The following POLN variants were observed in gnomAD, a reference collection of about 807,000 sequenced individuals.
POLN encodes the protein DNA polymerase nu.
POLN carries 108 observed loss-of-function variants against 113.5 expected under a neutral mutation model. The ratio of observed to expected loss-of-function variants is 0.95; its 90% CI spans 0.81 to 1.12. POLN has a LOEUF of 1.12. Ranked by LOEUF, POLN falls within the 50% of genes most tolerant of loss-of-function variation. POLN has a pLI of 0.00. For missense variants in POLN, 1,097 were observed against 1,077.1 expected (o/e 1.02, Z -0.26); for synonymous variants, 386 against 391.5 (o/e 0.99, Z 0.17).
At position 2,101,148 on chromosome 4, in the gene POLN, GA is replaced by G. The variant is rs762968112; in HGVS notation, c.1983-5216del. Reference sequence around the variant, plus strand: ...CCAGATTGAGTACATGCCTAAACATGAAAAAAAAAAATCAAAACTGAAATAA... The same window carrying G: ...CCAGATTGAGTACATGCCTAAACATGAAAAAAAAAATCAAAACTGAAATAA... On this transcript the variant is annotated intron_variant, in intron 19 of 25. Coordinates refer to ENST00000511885, the MANE Select transcript of POLN (RefSeq NM_181808.4). Among the ~76,000 whole-genome samples, 995 of 143,612 alleles carry G rather than the reference GA, an allele frequency of 6.9e-3. 5 individuals carry two copies. The highest frequency in any genetic ancestry group is 0.025 in the South Asian group (115 of 4,614). The allele number at this position is 143,612 out of a possible 152,430, so 94.2% of individuals were successfully genotyped here. A position where few individuals can be genotyped will look rare whatever the true frequency, so the allele number is the denominator to read the frequency against.
intron 3 of POLN, among the ~76,000 whole-genome samples, chr4:2,225,712 G>T (rs1049603957): frequency 6.6e-6 from 1 of 151,318 alleles, no homozygotes; most frequent in African/African-American, 2.4e-5. Context: ...AAAAAAAATA[G>T]TAGGCCAGGC....
At chr4:2,203,891 C>T (rs1257717898) in intron 5 of POLN, among the ~76,000 whole-genome samples, 3 of 151,942 alleles carry the variant, frequency 2.0e-5, no homozygotes, top group African/African-American at 7.3e-5. Context: ...GGGTGGATCA[C>T]CTGAGGTCAG....
chr4:2,161,837 C>T (rs557457403), intron 13 of POLN, among the ~76,000 whole-genome samples: 56 of 152,324 alleles, frequency 3.7e-4, no homozygotes, highest in African/African-American at 1.3e-3. Context: ...CACCAATCAG[C>T]ACCCTGTGTC....
At chr4:2,173,813 G>T (rs1036436908) in intron 11 of POLN, 142 bp downstream of exon 11, 1 of 793,946 alleles carries the variant, frequency 1.3e-6, no homozygotes, top group Non-Finnish European at 2.1e-6. Flanking sequence ...TCCCCTGCAG[G>T]CGTCAGAAAG....
intron 19 of POLN, among the ~76,000 whole-genome samples, chr4:2,096,263 C>T (rs1352572596): frequency 6.6e-6 from 1 of 152,182 alleles, no homozygotes; most frequent in African/African-American, 2.4e-5. Context: ...TATTGGGGTG[C>T]CTGGGCCTGG....
intron 23 of POLN, chr4:2,080,723 A>C: frequency 7.1e-7 from 1 of 1,412,526 alleles, no homozygotes; most frequent in Non-Finnish European, 9.2e-7. Flanking sequence ...TCTGGGGGAG[A>C]CAGCATTTCT....
chr4:2,123,783 G>A (rs182973375), intron 19 of POLN, among the ~76,000 whole-genome samples: 2 of 151,786 alleles, frequency 1.3e-5, no homozygotes, highest in Admixed American at 6.6e-5. Context: ...CCAGCCTAGG[G>A]GACAGAGTGT....
At chr4:2,193,072 G>T in intron 7 of POLN, 132 bp downstream of exon 7, 3 of 636,774 alleles carry the variant, frequency 4.7e-6, no homozygotes, top group Non-Finnish European at 8.1e-6. Flanking sequence ...GGGCCCATCA[G>T]GAGGCATATC....
intron 19 of POLN, among the ~76,000 whole-genome samples, chr4:2,116,168 T>C (rs1333190575): frequency 1.3e-5 from 2 of 152,234 alleles, no homozygotes; most frequent in Non-Finnish European, 2.9e-5. Flanking sequence ...CTTTGATGTC[T>C]GTCCCTAGAC....
intron 7 of POLN, among the ~76,000 whole-genome samples, chr4:2,188,123 A>C (rs7691418): frequency 0.26 from 38,793 of 151,498 alleles, 7,872 homozygotes; most frequent in African/African-American, 0.55. Context: ...CTCCCTGCCA[A>C]CCCCTCCCCA....
chr4:2,142,256 T>C (rs1306786170), intron 16 of POLN, among the ~76,000 whole-genome samples: 2 of 152,262 alleles, frequency 1.3e-5, no homozygotes, highest in African/African-American at 2.4e-5. Context: ...AGCTGAACAC[T>C]GATTCCTTTA....
intron 20 of POLN, among the ~76,000 whole-genome samples, chr4:2,092,789 T>A (rs1730698857): frequency 6.6e-6 from 1 of 152,194 alleles, no homozygotes; most frequent in Non-Finnish European, 1.5e-5. Flanking sequence ...GGTGCAAAGC[T>A]CCTCTATGGA....
chr4:2,080,145 C>A (rs1050882362), intron 23 of POLN: 2 of 985,586 alleles, frequency 2.0e-6, no homozygotes, highest in Non-Finnish European at 2.4e-6. Flanking sequence ...AGAAGGGGCT[C>A]CGGGACTCCT....
intron 13 of POLN, among the ~76,000 whole-genome samples, chr4:2,160,035 C>T (rs1203849217): frequency 6.6e-6 from 1 of 152,144 alleles, no homozygotes; most frequent in African/African-American, 2.4e-5. Context: ...GAGATACTGC[C>T]AGTTCTCCAA....
At chr4:2,159,720 C>G (rs1409733063) in intron 13 of POLN, among the ~76,000 whole-genome samples, 3 of 152,192 alleles carry the variant, frequency 2.0e-5, no homozygotes, top group African/African-American at 7.2e-5. Flanking sequence ...GGTACTGGCT[C>G]CTTCCCCAGA....
intron 7 of POLN, among the ~76,000 whole-genome samples, chr4:2,182,030 C>A (rs1733155937): frequency 6.6e-6 from 1 of 150,808 alleles, no homozygotes; most frequent in Non-Finnish European, 1.5e-5. Context: ...CTTTAAACTA[C>A]ATAAAGACAT....
chr4:2,192,481 A>G (rs1243617249), intron 7 of POLN, among the ~76,000 whole-genome samples: 1 of 151,938 alleles, frequency 6.6e-6, no homozygotes, highest in Non-Finnish European at 1.5e-5. Flanking sequence ...CTAGGATTAC[A>G]GGCATGAGCC....
chr4:2,149,519 C>G (rs1010367260), intron 16 of POLN, among the ~76,000 whole-genome samples: 7 of 152,082 alleles, frequency 4.6e-5, no homozygotes, highest in African/African-American at 1.7e-4. Flanking sequence ...GAAACAGTAA[C>G]TACATGGGTA....
intron 16 of POLN, among the ~76,000 whole-genome samples, chr4:2,145,918 T>C (rs951807404): frequency 6.6e-6 from 1 of 152,164 alleles, no homozygotes; most frequent in South Asian, 2.1e-4. Context: ...ACATACTATA[T>C]AGCAGCCAAG....
Sources: gnomAD v4.1 joint callset for allele counts (sites outside exome capture counted in the v4.1 genomes callset) on GRCh38, gnomAD v4.1.1 for gene constraint, MANE v1.5 for transcripts, NCBI Gene and HGNC (gene_info 2026-07-23, HGNC 2026-07-21) for gene names.